Variants in RBMS3 observed in about 807,000 individuals in gnomAD.
RBMS3 encodes the protein RNA binding motif single stranded interacting protein 3.
In RBMS3, 27 loss-of-function variants were observed where a neutral mutation model predicts 66.8. That is an observed-to-expected ratio of 0.40 (90% CI 0.30 to 0.56). RBMS3 has a LOEUF of 0.56. RBMS3 is among the 20% of genes least tolerant of loss of function. The pLI is 0.40. For synonymous variants in RBMS3, 188 were observed against 183.0 expected (o/e 1.03, Z -0.22); for missense variants, 513 against 549.5 (o/e 0.93, Z 0.66).
At chr3:29,925,861 T>C (rs2060924538) in intron 10 of RBMS3, among the ~76,000 whole-genome samples, 1 of 151,898 alleles carries the variant, frequency 6.6e-6, no homozygotes, top group Admixed American at 6.6e-5. Flanking sequence ...TCTATTAAAC[T>C]AAAAAAAATG....
chr3:29,344,016 A>T (rs1354445492), intron 1 of RBMS3, among the ~76,000 whole-genome samples: 1 of 152,184 alleles, frequency 6.6e-6, no homozygotes, highest in Non-Finnish European at 1.5e-5. Flanking sequence ...GGCATACAAT[A>T]ATGGGTGGTG....
intron 3 of RBMS3, among the ~76,000 whole-genome samples, chr3:29,521,979 GTTTGGAATGTTC>G (rs1356134869): frequency 4.6e-5 from 7 of 152,198 alleles, no homozygotes; most frequent in Admixed American, 2.6e-4. Context: ...CATGCAGTCA[GTTTGGAATGTTC>G]TTTATCTTCA....
chr3:29,955,956 AG>A (rs1222925890), intron 12 of RBMS3, among the ~76,000 whole-genome samples: 1 of 152,090 alleles, frequency 6.6e-6, no homozygotes, highest in African/African-American at 2.4e-5. Flanking sequence ...CAACCTTGAA[AG>A]CTGCCTTAAA....
intron 5 of RBMS3, among the ~76,000 whole-genome samples, chr3:29,750,278 G>C (rs780656639): frequency 2.6e-5 from 4 of 152,056 alleles, no homozygotes; most frequent in Admixed American, 2.0e-4. Flanking sequence ...TCTTTTCCAC[G>C]AATTTTTTGA....
chr3:29,706,866 A>G (rs983099436), intron 4 of RBMS3, among the ~76,000 whole-genome samples: 1 of 152,166 alleles, frequency 6.6e-6, no homozygotes, highest in African/African-American at 2.4e-5. Context: ...GTCCCCAAAG[A>G]TATCTTGCAT....
intron 4 of RBMS3, among the ~76,000 whole-genome samples, chr3:29,658,531 T>G (rs1008095559): frequency 6.6e-6 from 1 of 152,252 alleles, no homozygotes; most frequent in Non-Finnish European, 1.5e-5. Context: ...TAGCTATGAA[T>G]GTAATCATTC....
chr3:29,679,454 A>G (rs960869328), intron 4 of RBMS3, among the ~76,000 whole-genome samples: 6 of 152,170 alleles, frequency 3.9e-5, no homozygotes, highest in Non-Finnish European at 7.3e-5. Flanking sequence ...AAATGTTTAA[A>G]TGGAAACGAC....
chr3:29,721,000 G>T (rs111606349), intron 4 of RBMS3, among the ~76,000 whole-genome samples: 15,363 of 152,184 alleles, frequency 0.1, 888 homozygotes, highest in Middle Eastern at 0.21. Context: ...GGAAGAATCT[G>T]AATGTCATGT....
rs572913789 is a variant in RBMS3 at position 29,983,169 on chromosome 3, C to T, written c.1099-4974C>T. Among the ~76,000 whole-genome samples, 506 of 150,764 alleles carry T rather than the reference C, an allele frequency of 3.4e-3. 2 individuals are homozygous for T. Among genetic ancestry groups the T allele is most frequent in the Middle Eastern group, 7.1e-3 (2 of 282 alleles). On this transcript the variant is annotated intron_variant, in intron 12 of 14. Coordinates refer to ENST00000383767, the MANE Select transcript of RBMS3 (RefSeq NM_001003793.3). ...CCCTTTACCACTATGTAATGCCCTT[C>T]TTTGTCTTTTTTTATCTTTGTTGTT...
intron 6 of RBMS3, among the ~76,000 whole-genome samples, chr3:29,805,826 G>A (rs1247155525): frequency 6.6e-6 from 1 of 151,950 alleles, no homozygotes; most frequent in Non-Finnish European, 1.5e-5. Context: ...TTGTTAAAGA[G>A]AGAAAAATAT....
rs568813386 is a variant in RBMS3 at position 29,789,141 on chromosome 3, T to G, written c.637+26152T>G. Reference sequence around the variant, plus strand: ...ATGAAAGTTGATGTTTGTAAGTTATTTATCTTGACTTCATTCATGATGTAT... The same window carrying G: ...ATGAAAGTTGATGTTTGTAAGTTATGTATCTTGACTTCATTCATGATGTAT... On this transcript the variant is annotated intron_variant, in intron 6 of 14. Coordinates refer to ENST00000383767, the MANE Select transcript of RBMS3 (RefSeq NM_001003793.3). Among the ~76,000 whole-genome samples the G allele has an allele frequency of 2.0e-5, 3 of 152,248 alleles. No homozygotes were observed. In the South Asian group the frequency reaches 6.2e-4, roughly 32 times the overall value.
chr3:29,729,240 T>C (rs1259282655), intron 4 of RBMS3, among the ~76,000 whole-genome samples: 1 of 141,000 alleles, frequency 7.1e-6, no homozygotes, highest in Non-Finnish European at 1.5e-5. Flanking sequence ...GAACATGCGG[T>C]GTTTGGTTTT....
At chr3:29,375,919 C>G (rs949834030) in intron 1 of RBMS3, among the ~76,000 whole-genome samples, 9 of 152,186 alleles carry the variant, frequency 5.9e-5, no homozygotes, top group South Asian at 4.1e-4. Flanking sequence ...TGTAGCACTA[C>G]TCACAATAGC....
chr3:29,586,377 A>G (rs764969870), intron 3 of RBMS3, among the ~76,000 whole-genome samples: 10 of 152,134 alleles, frequency 6.6e-5, no homozygotes, highest in Non-Finnish European at 1.2e-4. Flanking sequence ...TCAGAATAGC[A>G]TAGGAAACTC....
At chr3:29,301,283 A>G (rs956762144) in intron 1 of RBMS3, among the ~76,000 whole-genome samples, 1 of 152,028 alleles carries the variant, frequency 6.6e-6, no homozygotes, top group Admixed American at 6.6e-5. Context: ...AGAAAAGTCT[A>G]ACAAGAGAGC....
rs1178108082 is a variant in RBMS3, at chr3:29,899,724, T to C, written c.908T>C (p.Met303Thr). 3.7e-6 allele frequency: 6 copies of C among 1,610,134 alleles called. No individual in the cohort carries two copies. The highest frequency in any genetic ancestry group is 1.7e-5 in the Admixed American group (1 of 59,730). Residue 303 changes from methionine to threonine, a missense_variant, in exon 10 of 15, where the codon ATG (methionine) becomes ACG (threonine). Physicochemically the swap from Met to Thr is moderately conservative, Grantham distance 81. Transcript: ENST00000383767. Reference protein sequence around the residue: ...STYQVQSTSWMPHPPYVMQPT... With the variant: ...STYQVQSTSWTPHPPYVMQPT... ...GCATAGGTCCAGAGTACTTCATGGA[T>C]GCCTCATCCGCCATACGTTATGCAA...
intron 4 of RBMS3, among the ~76,000 whole-genome samples, chr3:29,659,473 A>G (rs1202306149): frequency 6.6e-6 from 1 of 152,220 alleles, no homozygotes; most frequent in Non-Finnish European, 1.5e-5. Context: ...TATAAATGGA[A>G]TCATACAGTA....
At chr3:29,380,914 G>C (rs1292334141) in intron 1 of RBMS3, among the ~76,000 whole-genome samples, 1 of 152,134 alleles carries the variant, frequency 6.6e-6, no homozygotes, top group Non-Finnish European at 1.5e-5. Context: ...ATTCATGATG[G>C]ATTGGAGATA....
intron 6 of RBMS3, among the ~76,000 whole-genome samples, chr3:29,831,130 G>A (rs114060132): frequency 0.014 from 2,074 of 152,174 alleles, 43 homozygotes; most frequent in African/African-American, 0.047. Context: ...CTTTACTCAG[G>A]GTGGATTTTA....
Sources: gnomAD v4.1 joint callset for allele counts (sites outside exome capture counted in the v4.1 genomes callset) on GRCh38, gnomAD v4.1.1 for gene constraint, MANE v1.5 for transcripts, NCBI Gene and HGNC (gene_info 2026-07-23, HGNC 2026-07-21) for gene names.